TRPV1: variants seen among roughly 807,000 people sequenced by gnomAD.
TRPV1 encodes OTRPC1.
In TRPV1, 82 loss-of-function variants were observed where a neutral mutation model predicts 82.3. The ratio of observed to expected loss-of-function variants is 1.00; its 90% CI spans 0.83 to 1.20. The LOEUF (loss-of-function observed/expected upper bound fraction) is 1.20, where lower values mean the gene tolerates loss of function less well. Ranked by LOEUF, TRPV1 falls within the 50% of genes most tolerant of loss-of-function variation. TRPV1 has a pLI of 0.00. For synonymous variants in TRPV1, 515 were observed against 467.7 expected (o/e 1.10, Z -1.30); for missense variants, 1,067 against 1,096.8 (o/e 0.97, Z 0.38).
rs142884933 is a variant in TRPV1, at chr17:3,583,992, C to T, written c.1384-562G>A. ...TTTCTCTTAAAAAGAAGTCACTGGC[C>T]GGGTGCAGTGGCTCACGCCTGTAAT... On this transcript the variant is annotated intron_variant, in intron 9 of 16. Transcript: ENST00000572705. Among the ~76,000 whole-genome samples the T allele has an allele frequency of 1.1e-3, 174 of 152,224 alleles. 4 individuals carry two copies. The East Asian group carries it at 0.026, about 23-fold the overall frequency.
rs745598475 is a variant in TRPV1 at position 3,573,863 on chromosome 17, C to CG, written c.1872dup (p.Asp625ArgfsTer2). 1 of 1,539,674 alleles carries CG rather than the reference C, an allele frequency of 6.5e-7. No homozygotes were observed. Among genetic ancestry groups the CG allele is most frequent in the Non-Finnish European group, 8.8e-7 (1 of 1,136,332 alleles). On this transcript the variant is annotated frameshift_variant, in exon 14 of 17. Transcript: ENST00000572705. LOFTEE classifies it high-confidence loss of function. Reference sequence around the variant, plus strand: ...GAGTACAGGCTGTTGTAGGAGCTATCGGGGGGCCTGCAGGCAGGCCCCCGC... The same window carrying CG: ...GAGTACAGGCTGTTGTAGGAGCTATCGGGGGGGCCTGCAGGCAGGCCCCCGC...
In TRPV1 at chr17:3,588,192, G is replaced by C; in HGVS notation, c.1220C>G (p.Thr407Ser). ...GGCTGTGCCCCAGCCACTCACAGGG[G>C]TCTCGCTGCTGCTGTAGGCGATCAC... ...LEVIAYSSSETPNRHDMLLVE... is the reference protein window; with the variant it reads ...LEVIAYSSSESPNRHDMLLVE... The change falls in exon 8 of 17, where the codon ACC becomes AGC. Residue 407 changes from threonine to serine, a missense_variant. By Grantham distance (58) the Thr-to-Ser change is moderately conservative. Coordinates refer to ENST00000572705, the MANE Select transcript of TRPV1 (RefSeq NM_080704.4). 1 of 1,558,908 alleles carries C rather than the reference G, an allele frequency of 6.4e-7. No individual in the cohort carries two copies. The highest frequency in any genetic ancestry group is 1.2e-5 in the South Asian group (1 of 84,418).
chr17:3,589,386 T>C (rs1305516451), intron 7 of TRPV1, among the ~76,000 whole-genome samples: 4 of 151,950 alleles, frequency 2.6e-5, no homozygotes, highest in African/African-American at 7.2e-5. Flanking sequence ...TTTGTATATT[T>C]AGTAGAGGTT....
chr17:3,571,475 A>T, intron 16 of TRPV1, 49 bp downstream of exon 16: 2 of 1,455,348 alleles, frequency 1.4e-6, no homozygotes, highest in Non-Finnish European at 1.9e-6. Context: ...CCTGCCCAAC[A>T]TCAGGCCACC....
Position 3,573,544 on chromosome 17 carries a change from CA to C in TRPV1, c.2103+88del. 1.1e-3 allele frequency: 232 copies of C among 214,396 alleles called. 86 individuals carry two copies. In the South Asian group the frequency reaches 0.011, roughly 10 times the overall value. 13.3% of individuals were successfully genotyped at this position (214,396 alleles called of 1,614,324 possible). A position where few individuals can be genotyped will look rare whatever the true frequency, so the allele number is the denominator to read the frequency against. The stretch of plus-strand genomic sequence containing the variant: ...CTGGCCACACACCGCCCCCACCACC[CA>C]CCCACCTGCAGCCAGCTGTGTAAGA... On this transcript the variant is annotated intron_variant, in intron 14 of 16. Coordinates refer to ENST00000572705, the MANE Select transcript of TRPV1 (RefSeq NM_080704.4).
In TRPV1 at chr17:3,582,851, T is replaced by TCAGGAGGCTGACG. The variant is rs60876781; in HGVS notation, c.1476+486_1476+487insCGTCAGCCTCCTG. Among the ~76,000 whole-genome samples the TCAGGAGGCTGACG allele has an allele frequency of 2.0e-5, 3 of 150,670 alleles. No homozygotes were observed. In the South Asian group the frequency reaches 6.3e-4, roughly 32 times the overall value. On this transcript the variant is annotated intron_variant, in intron 10 of 16. Transcript: ENST00000572705. ...GGCAGGCGCCTGTAATCCCAGCTACTCAGGAGAATTTTTTGAACCCAAGAG... is the reference window on the plus strand; with the variant it reads ...GGCAGGCGCCTGTAATCCCAGCTACTCAGGAGGCTGACGCAGGAGAATTTTTTGAACCCAAGAG...
At chr17:3,587,434 C>T (rs1310162271) in intron 8 of TRPV1, among the ~76,000 whole-genome samples, 2 of 152,146 alleles carry the variant, frequency 1.3e-5, no homozygotes, top group Non-Finnish European at 2.9e-5. Flanking sequence ...TTCCAAACAG[C>T]GTGGCAGGAT....
chr17:3,588,884 T>A (rs1162900357), intron 7 of TRPV1: 190 of 1,529,944 alleles, frequency 1.2e-4, no homozygotes, highest in Non-Finnish European at 1.6e-4. Context: ...CTGCACCATA[T>A]CAGGCCCACA....
chr17:3,601,375 C>T (rs2075261787), intron 2 of TRPV1, among the ~76,000 whole-genome samples: 2 of 151,968 alleles, frequency 1.3e-5, no homozygotes, highest in South Asian at 2.1e-4. Flanking sequence ...CAACGCCCCA[C>T]CCCCGCACCC....
rs374877192 is a variant in TRPV1 at position 3,601,609 on chromosome 17, T to G, written c.-34+6818A>C. ...CATAAAGAGCTCATTTCTCACCTTT[T>G]TTTTTTAAAGAGGTGGTATCTTGCA... On this transcript the variant is annotated intron_variant, in intron 2 of 16. Coordinates refer to ENST00000572705, the MANE Select transcript of TRPV1 (RefSeq NM_080704.4). Among the ~76,000 whole-genome samples the G allele has an allele frequency of 3.1e-4, 47 of 152,106 alleles. 2 individuals carry two copies. The South Asian group carries it at 9.3e-3, about 30-fold the overall frequency.
At position 3,573,670 on chromosome 17, in the gene TRPV1, T is replaced by C. The variant is rs1418996994; in HGVS notation, c.2066A>G (p.Lys689Arg). The C allele has an allele frequency of 1.9e-6, 3 of 1,613,854 alleles. No individual in the cohort carries two copies. The highest frequency in any genetic ancestry group is 2.7e-5 in the African/African-American group (2 of 74,870). The change falls in exon 14 of 17, where the codon AAG becomes AGG. Residue 689 changes from lysine (K) to arginine (R), a missense_variant. Transcript: ENST00000572705. ...GATGTTCTTGCTCTCCTGTGCGATC[T>C]TGTTGACAGTCTCACCCATGAGGGC... Reference protein sequence around the residue: ...LIALMGETVNKIAQESKNIWK... With the variant: ...LIALMGETVNRIAQESKNIWK...
chr17:3,593,563 T>A (rs908510093), intron 2 of TRPV1, among the ~76,000 whole-genome samples: 1 of 152,028 alleles, frequency 6.6e-6, no homozygotes, highest in Non-Finnish European at 1.5e-5. Flanking sequence ...GGCTTTTTCC[T>A]CTGTCTACCC....
At position 3,572,131 on chromosome 17, in the gene TRPV1, C is replaced by T; in HGVS notation, c.2222G>A (p.Trp741Ter). 6.2e-7 allele frequency: 1 copy of T among 1,613,362 alleles called. No individual in the cohort carries two copies. Among genetic ancestry groups the T allele is most frequent in the South Asian group, 1.1e-5 (1 of 90,974 alleles). Residue 741 changes from tryptophan (W) to a stop codon, truncating the protein, a stop_gained, in exon 15 of 17, where the codon TGG becomes TAG. Coordinates refer to ENST00000572705, the MANE Select transcript of TRPV1 (RefSeq NM_080704.4). LOFTEE classifies it high-confidence loss of function. The part of the protein sequence containing the change: ...YTPDGKDDYR[W>*]CFRVDEVNWT... ...GGAGCCTGGGCATTACCTGAAGCAC[C>T]ACCGGTAGTCGTCCTTGCCATCAGG...
At chr17:3,602,738 C>T (rs1210228084) in intron 2 of TRPV1, among the ~76,000 whole-genome samples, 10 of 152,220 alleles carry the variant, frequency 6.6e-5, no homozygotes, top group Admixed American at 3.9e-4. Context: ...GGCACATTGA[C>T]TTAAGCTGAG....
chr17:3,599,403 C>T (rs763233138), intron 2 of TRPV1, among the ~76,000 whole-genome samples: 8 of 152,152 alleles, frequency 5.3e-5, no homozygotes, highest in Non-Finnish European at 8.8e-5. Context: ...TCATCCCAAA[C>T]TGAAACCCTG....
intron 16 of TRPV1, among the ~76,000 whole-genome samples, chr17:3,570,570 CA>C (rs1433994973): frequency 6.6e-6 from 1 of 152,170 alleles, no homozygotes; most frequent in Admixed American, 6.5e-5. Context: ...AATTATAACT[CA>C]AAATTTGTCC....
intron 10 of TRPV1, among the ~76,000 whole-genome samples, chr17:3,582,415 AAAAAAC>A (rs1179606336): frequency 2.0e-5 from 3 of 151,968 alleles, no homozygotes; most frequent in African/African-American, 7.2e-5. Flanking sequence ...CCAGAGTCAA[AAAAAAC>A]AAAAACAAAA....
At chr17:3,579,204 C>G (rs2074973944) in intron 11 of TRPV1, among the ~76,000 whole-genome samples, 1 of 152,050 alleles carries the variant, frequency 6.6e-6, no homozygotes, top group Non-Finnish European at 1.5e-5. Context: ...AATAAGTGTT[C>G]CTTTCACAAT....
chr17:3,600,455 G>A (rs1433328678), intron 2 of TRPV1, among the ~76,000 whole-genome samples: 1 of 152,132 alleles, frequency 6.6e-6, no homozygotes, highest in Non-Finnish European at 1.5e-5. Flanking sequence ...TGGGCGTGGT[G>A]GTGCACGCCT....
Sources: allele counts gnomAD v4.1 joint callset (sites outside exome capture counted in the v4.1 genomes callset), GRCh38; gene constraint gnomAD v4.1.1; transcripts MANE v1.5; gene names NCBI Gene and HGNC (gene_info 2026-07-23, HGNC 2026-07-21).